Variants in SPMAP2L observed in about 807,000 individuals in gnomAD.
SPMAP2L encodes sperm microtubule associated protein 2 like.
chr4:56,547,014 C>T, the SPMAP2L span, among the ~76,000 whole-genome samples: 16 of 152,284 alleles, frequency 1.1e-4, no homozygotes, highest in East Asian at 5.8e-4. Context: ...GAGAGACCTT[C>T]GTCATTTGTG....
the SPMAP2L span, among the ~76,000 whole-genome samples, chr4:56,543,061 A>G: frequency 6.6e-6 from 1 of 151,694 alleles, no homozygotes; most frequent in Admixed American, 6.6e-5. Flanking sequence ...TTACAATACA[A>G]TCACTATGTG....
chr4:56,552,357 G>A, the SPMAP2L span, among the ~76,000 whole-genome samples: 3 of 152,166 alleles, frequency 2.0e-5, no homozygotes, highest in African/African-American at 7.2e-5. Context: ...TGCTATATTA[G>A]TAATTCTAGA....
chr4:56,618,747 G>A, the SPMAP2L span, among the ~76,000 whole-genome samples: 1 of 152,166 alleles, frequency 6.6e-6, no homozygotes, highest in African/African-American at 2.4e-5. Context: ...ATGTCAAAAG[G>A]CTTGCTGAGG....
At chr4:56,594,559 C>T in the SPMAP2L span, 1 of 1,607,430 alleles carries the variant, frequency 6.2e-7, no homozygotes, top group African/African-American at 1.3e-5. Context: ...CCTACTTAAA[C>T]CAGAAAGGAG....
chr4:56,599,996 G>T, the SPMAP2L span, among the ~76,000 whole-genome samples: 179 of 151,142 alleles, frequency 1.2e-3, no homozygotes, highest in African/African-American at 4.3e-3. Flanking sequence ...TTATTAAAAA[G>T]TCAGGAAACA....
the SPMAP2L span, among the ~76,000 whole-genome samples, chr4:56,554,900 G>A: frequency 2.0e-5 from 3 of 147,266 alleles, no homozygotes; most frequent in Non-Finnish European, 3.0e-5. Flanking sequence ...TAGATGTCCA[G>A]TTGTTCCAGT....
chr4:56,611,009 C>G, the SPMAP2L span, among the ~76,000 whole-genome samples: 1 of 152,296 alleles, frequency 6.6e-6, no homozygotes, highest in East Asian at 1.9e-4. Context: ...TGCAAACTAG[C>G]ATAACCCCTG....
chr4:56,539,605 A>G, the SPMAP2L span, among the ~76,000 whole-genome samples: 1 of 152,106 alleles, frequency 6.6e-6, no homozygotes, highest in Non-Finnish European at 1.5e-5. Flanking sequence ...TATTTTTAGT[A>G]GAGACAGGGT....
chr4:56,621,640 A>G, the SPMAP2L span, among the ~76,000 whole-genome samples: 7 of 152,232 alleles, frequency 4.6e-5, no homozygotes, highest in African/African-American at 1.7e-4. Flanking sequence ...AATTGAAAAT[A>G]ATATGCACAG....
At chr4:56,601,906 A>G in the SPMAP2L span, among the ~76,000 whole-genome samples, 1 of 152,254 alleles carries the variant, frequency 6.6e-6, no homozygotes, top group Non-Finnish European at 1.5e-5. Context: ...TGTGTAAGAA[A>G]AAAAGACATG....
the SPMAP2L span, chr4:56,552,663 T>C: frequency 2.0e-6 from 2 of 985,404 alleles, no homozygotes; most frequent in Non-Finnish European, 3.1e-6. Flanking sequence ...GTTCATTACA[T>C]AAAACAGGTA....
the SPMAP2L span, among the ~76,000 whole-genome samples, chr4:56,539,243 G>A: frequency 2.6e-5 from 4 of 152,158 alleles, no homozygotes; most frequent in Admixed American, 2.6e-4. Flanking sequence ...GTAGTGAGCT[G>A]TAGATGAATA....
the SPMAP2L span, among the ~76,000 whole-genome samples, chr4:56,623,903 G>A: frequency 6.6e-6 from 1 of 152,144 alleles, no homozygotes; most frequent in African/African-American, 2.4e-5. Context: ...AGTAGAGTGG[G>A]GCACTGCTGA....
the SPMAP2L span, among the ~76,000 whole-genome samples, chr4:56,592,635 G>A: frequency 5.3e-5 from 8 of 152,158 alleles, no homozygotes; most frequent in South Asian, 2.1e-4. Flanking sequence ...TGCGGGCCGG[G>A]GCAGGGGACG....
the SPMAP2L span, among the ~76,000 whole-genome samples, chr4:56,605,725 A>T: frequency 6.6e-6 from 1 of 151,966 alleles, no homozygotes; most frequent in Admixed American, 6.5e-5. Flanking sequence ...GGGTAAACAG[A>T]TCCTCAGCAT....
chr4:56,577,598 TAAATA>T, the SPMAP2L span, among the ~76,000 whole-genome samples: 2 of 151,812 alleles, frequency 1.3e-5, no homozygotes, highest in African/African-American at 4.8e-5. Context: ...AATAAATAAA[TAAATA>T]AAATAAAGCA....
At chr4:56,599,636 G>A in the SPMAP2L span, among the ~76,000 whole-genome samples, 1 of 152,096 alleles carries the variant, frequency 6.6e-6, no homozygotes, top group Non-Finnish European at 1.5e-5. Context: ...TCCTTCTTAT[G>A]AGTGAGAACA....
At chr4:56,575,713 T>C in the SPMAP2L span, 1 of 1,438,088 alleles carries the variant, frequency 7.0e-7, no homozygotes, top group African/African-American at 1.4e-5. Context: ...TTTGTTCTAA[T>C]TTTAGTGTGT....
the SPMAP2L span, among the ~76,000 whole-genome samples, chr4:56,597,289 C>T: frequency 2.0e-5 from 3 of 152,062 alleles, no homozygotes; most frequent in African/African-American, 4.8e-5. Flanking sequence ...TGGAGATAGC[C>T]GCCCTCACCG....
Sources: gnomAD v4.1 joint callset for allele counts (sites outside exome capture counted in the v4.1 genomes callset) on GRCh38, gnomAD v4.1.1 for gene constraint, MANE v1.5 for transcripts, NCBI Gene and HGNC (gene_info 2026-07-23, HGNC 2026-07-21) for gene names.